IFT88: variants seen among roughly 807,000 people sequenced by gnomAD.
IFT88 encodes the protein intraflagellar transport 88, also known as intraflagellar transport protein 88 homolog.
In IFT88, 74 loss-of-function variants were observed where a neutral mutation model predicts 119.5. The observed-to-expected ratio is 0.62, with a 90% CI of 0.51 to 0.75. The LOEUF is 0.75. IFT88 is among the 30% of genes least tolerant of loss of function. The pLI, the probability that IFT88 is intolerant of heterozygous loss-of-function variation, is 0.00. For missense variants in IFT88, 961 were observed against 977.7 expected, an observed-to-expected ratio of 0.98 and a Z score of 0.23; for synonymous variants, 279 against 316.7, an observed-to-expected ratio of 0.88 and a Z score of 1.26.
intron 18 of IFT88, chr13:20,642,516 A>C (rs2050106044): frequency 6.6e-6 from 1 of 152,512 alleles, no homozygotes; most frequent in South Asian, 2.1e-4. Flanking sequence ...AGGCAGGAGA[A>C]TCACTTGAAC....
At chr13:20,570,414 T>C (rs1174075505) in intron 1 of IFT88, among the ~76,000 whole-genome samples, 1 of 152,198 alleles carries the variant, frequency 6.6e-6, no homozygotes, top group African/African-American at 2.4e-5. Context: ...ATGCTAAAAC[T>C]TGTACACACA....
chr13:20,654,194 C>G (rs549852702), intron 21 of IFT88, among the ~76,000 whole-genome samples: 1 of 152,070 alleles, frequency 6.6e-6, no homozygotes, highest in African/African-American at 2.4e-5. Flanking sequence ...TAATCATTTT[C>G]ACAAGTTAGC....
At chr13:20,685,867 A>G (rs1013567632) in intron 24 of IFT88, among the ~76,000 whole-genome samples, 2 of 152,256 alleles carry the variant, frequency 1.3e-5, no homozygotes, top group Non-Finnish European at 2.9e-5. Flanking sequence ...GAGACAAAAC[A>G]AGACTCCATC....
intron 22 of IFT88, among the ~76,000 whole-genome samples, chr13:20,659,338 G>GA (rs1371110787): frequency 2.6e-5 from 4 of 151,912 alleles, no homozygotes; most frequent in Non-Finnish European, 5.9e-5. Context: ...TTCTAAATAT[G>GA]AAAAAAATAT....
intron 20 of IFT88, among the ~76,000 whole-genome samples, chr13:20,645,464 T>C (rs2050600843): frequency 6.6e-6 from 1 of 152,198 alleles, no homozygotes; most frequent in African/African-American, 2.4e-5. Flanking sequence ...TCCCTTTGCA[T>C]AGAATTTTTT....
At chr13:20,583,046 TGTG>T (rs745644919) in intron 3 of IFT88, 27 bp downstream of exon 3, 1 of 1,466,286 alleles carries the variant, frequency 6.8e-7, no homozygotes, top group Non-Finnish European at 9.5e-7. Context: ...TTTTTTAAAT[TGTG>T]GTAAAAAATA....
At chr13:20,633,031 A>G (rs1463493326) in intron 16 of IFT88, among the ~76,000 whole-genome samples, 2 of 152,190 alleles carry the variant, frequency 1.3e-5, no homozygotes, top group African/African-American at 2.4e-5. Flanking sequence ...ATCTACTGGT[A>G]GGAGAGTGGT....
chr13:20,583,024 G>A lies in IFT88; in HGVS notation c.153+5G>A. On this transcript the variant is annotated splice_donor_5th_base_variant and intron_variant, in intron 3 of 25. Coordinates refer to ENST00000351808, the MANE Select transcript of IFT88 (RefSeq NM_006531.5). Reference sequence around the variant, plus strand: ...AGTCATGGCAGAAGACCTCCAGTAAGTGAAAAAAATTTTTTTTAAATTGTG... The same window carrying A: ...AGTCATGGCAGAAGACCTCCAGTAAATGAAAAAAATTTTTTTTAAATTGTG... The A allele has an allele frequency of 6.3e-7, 1 of 1,594,450 alleles. No individual in the cohort carries two copies. Among genetic ancestry groups the A allele is most frequent in the Non-Finnish European group, 8.5e-7 (1 of 1,170,180 alleles).
At chr13:20,620,389 C>T (rs1015758063) in intron 14 of IFT88, among the ~76,000 whole-genome samples, 2 of 152,118 alleles carry the variant, frequency 1.3e-5, no homozygotes, top group Admixed American at 6.5e-5. Context: ...CTACTCTTGT[C>T]GTCAAACCAC....
At chr13:20,682,485 A>G (rs1469170788) in intron 24 of IFT88, among the ~76,000 whole-genome samples, 2 of 152,218 alleles carry the variant, frequency 1.3e-5, no homozygotes, top group African/African-American at 2.4e-5. Flanking sequence ...GTTGTATCCA[A>G]TTAATGTCCC....
chr13:20,600,543 A>C (rs2042420544), intron 11 of IFT88, among the ~76,000 whole-genome samples: 1 of 152,154 alleles, frequency 6.6e-6, no homozygotes, highest in South Asian at 2.1e-4. Flanking sequence ...ATTGAGTTGA[A>C]ATAGAGGGAT....
At chr13:20,616,009 T>C in intron 14 of IFT88, 130 bp downstream of exon 14, 1 of 492,922 alleles carries the variant, frequency 2.0e-6, no homozygotes, top group Admixed American at 3.9e-5. Context: ...GCAGATAATA[T>C]TGTATGTTCA....
rs377155068 is a variant in IFT88, at chr13:20,582,405, C to T, written c.91-552C>T. Among the ~76,000 whole-genome samples, 84 of 152,232 alleles carry T rather than the reference C, an allele frequency of 5.5e-4. 1 individual carries two copies. In the South Asian group the frequency reaches 0.016, roughly 29 times the overall value. On this transcript the variant is annotated intron_variant, in intron 2 of 25. Transcript: ENST00000351808. Reference sequence around the variant, plus strand: ...GTGCAGGTTGGACTTGTTGAGCCCCCCCATTTGCTTAGATTAGCTCCAGTC... The same window carrying T: ...GTGCAGGTTGGACTTGTTGAGCCCCTCCATTTGCTTAGATTAGCTCCAGTC...
intron 24 of IFT88, among the ~76,000 whole-genome samples, chr13:20,687,186 A>G (rs2058033333): frequency 6.6e-6 from 1 of 152,174 alleles, no homozygotes; most frequent in Non-Finnish European, 1.5e-5. Flanking sequence ...TTTTTTTTGC[A>G]GACTTGCTTA....
At chr13:20,665,195 G>C (rs1411842730) in intron 23 of IFT88, among the ~76,000 whole-genome samples, 1 of 152,094 alleles carries the variant, frequency 6.6e-6, no homozygotes, top group African/African-American at 2.4e-5. Flanking sequence ...CAGAAATGCT[G>C]TTTCAATATT....
chr13:20,663,328 G>T (rs1432888044), intron 22 of IFT88, 170 bp from the exon 23 acceptor site: 3 of 1,514,576 alleles, frequency 2.0e-6, no homozygotes, highest in Admixed American at 2.0e-5. Flanking sequence ...AAGGAAGTCA[G>T]TTCTCCCTGG....
At chr13:20,567,445 C>A (rs980365632) in intron 1 of IFT88, among the ~76,000 whole-genome samples, 189 bp downstream of exon 1, 1 of 152,248 alleles carries the variant, frequency 6.6e-6, no homozygotes, top group African/African-American at 2.4e-5. Flanking sequence ...CTCAGGCTCC[C>A]GAGTTGTCTA....
At chr13:20,647,475 T>C (rs2050925880) in intron 20 of IFT88, among the ~76,000 whole-genome samples, 1 of 152,208 alleles carries the variant, frequency 6.6e-6, no homozygotes, top group Non-Finnish European at 1.5e-5. Flanking sequence ...TTCTTTACCA[T>C]AGAAACTCCT....
At chr13:20,597,662 T>G (rs907356402) in intron 9 of IFT88, among the ~76,000 whole-genome samples, 3 of 151,360 alleles carry the variant, frequency 2.0e-5, no homozygotes, top group Non-Finnish European at 1.5e-5. Flanking sequence ...GAGAATGGCG[T>G]GAACCCGGGA....
Sources: allele counts gnomAD v4.1 joint callset (sites outside exome capture counted in the v4.1 genomes callset), GRCh38; gene constraint gnomAD v4.1.1; transcripts MANE v1.5; gene names NCBI Gene and HGNC (gene_info 2026-07-23, HGNC 2026-07-21).